Variants in HEMK2 observed in about 807,000 individuals in gnomAD.
HEMK2 encodes HemK methyltransferase 2, ETF1 glutamine and histone H4 lysine.
At chr21:28,588,744 T>G in the HEMK2 span, among the ~76,000 whole-genome samples, 5 of 151,638 alleles carry the variant, frequency 3.3e-5, no homozygotes, top group East Asian at 3.9e-4. Flanking sequence ...GCCGAGGAGG[T>G]CGGATCACGA....
the HEMK2 span, among the ~76,000 whole-genome samples, chr21:28,637,467 AT>A: frequency 6.6e-6 from 1 of 151,518 alleles, no homozygotes; most frequent in African/African-American, 2.4e-5. Flanking sequence ...AAAAAAAAAA[AT>A]GGAAGAATCC....
chr21:28,730,418 A>ACACACACACACACATAATTTAT, the HEMK2 span, among the ~76,000 whole-genome samples: 154 of 142,276 alleles, frequency 1.1e-3, no homozygotes, highest in African/African-American at 4.0e-3. Flanking sequence ...ACACACACAC[A>ACACACACACACACATAATTTAT]TTTCTCACAA....
the HEMK2 span, chr21:28,875,091 G>A: frequency 6.6e-6 from 1 of 152,300 alleles, no homozygotes. Flanking sequence ...TGAAGCCACC[G>A]ATGCAGGCTG....
the HEMK2 span, among the ~76,000 whole-genome samples, chr21:28,809,126 T>C: frequency 8.5e-5 from 13 of 152,096 alleles, no homozygotes; most frequent in African/African-American, 2.4e-4. Flanking sequence ...ATGAGAGGGA[T>C]TGCTGATTAG....
chr21:28,580,857 A>C, the HEMK2 span, among the ~76,000 whole-genome samples: 1 of 152,168 alleles, frequency 6.6e-6, no homozygotes, highest in African/African-American at 2.4e-5. Flanking sequence ...ACTAGAAAGT[A>C]AAGTACTAAA....
At chr21:28,627,409 A>G in the HEMK2 span, among the ~76,000 whole-genome samples, 3 of 152,226 alleles carry the variant, frequency 2.0e-5, no homozygotes, top group Admixed American at 6.5e-5. Context: ...TGCTCTGAGC[A>G]AAATATTGAC....
chr21:28,809,156 C>T, the HEMK2 span, among the ~76,000 whole-genome samples: 2 of 152,190 alleles, frequency 1.3e-5, no homozygotes, highest in South Asian at 4.1e-4. Context: ...CTGAAGAAAA[C>T]TTTTGGAGAT....
At chr21:28,862,048 G>A in the HEMK2 span, among the ~76,000 whole-genome samples, 3 of 152,206 alleles carry the variant, frequency 2.0e-5, no homozygotes, top group Non-Finnish European at 2.9e-5. Context: ...ACACTAAGAA[G>A]GGAGTTACAG....
the HEMK2 span, chr21:28,882,044 G>GT: frequency 1.5e-6 from 1 of 649,104 alleles, no homozygotes; most frequent in Non-Finnish European, 2.5e-6. Flanking sequence ...AATTTACTTT[G>GT]TACATGGTAT....
the HEMK2 span, among the ~76,000 whole-genome samples, chr21:28,742,283 T>C: frequency 6.6e-6 from 1 of 152,230 alleles, no homozygotes; most frequent in African/African-American, 2.4e-5. Context: ...CAGTAATTAT[T>C]GAACAGTTTC....
chr21:28,785,002 G>T, the HEMK2 span, among the ~76,000 whole-genome samples: 1 of 152,112 alleles, frequency 6.6e-6, no homozygotes, highest in Non-Finnish European at 1.5e-5. Context: ...TGAACCCACT[G>T]GGAGAAATGA....
chr21:28,841,090 T>TAAA, the HEMK2 span, among the ~76,000 whole-genome samples: 2 of 44,412 alleles, frequency 4.5e-5, no homozygotes, highest in Non-Finnish European at 6.3e-5. Flanking sequence ...ATATATTATA[T>TAAA]ATATTATATA....
the HEMK2 span, among the ~76,000 whole-genome samples, chr21:28,591,599 A>G: frequency 6.6e-6 from 1 of 152,208 alleles, no homozygotes; most frequent in Admixed American, 6.5e-5. Flanking sequence ...TTGTTTATAC[A>G]GGTAAACTCA....
At chr21:28,598,845 A>C in the HEMK2 span, among the ~76,000 whole-genome samples, 1 of 152,246 alleles carries the variant, frequency 6.6e-6, no homozygotes, top group Non-Finnish European at 1.5e-5. Context: ...AGTTACAGAA[A>C]AAAATGCCAC....
chr21:28,876,527 C>G, the HEMK2 span: 3 of 1,416,732 alleles, frequency 2.1e-6, no homozygotes, highest in Non-Finnish European at 2.9e-6. Context: ...TCCATTAAGC[C>G]ATTTGGTAGT....
chr21:28,619,777 T>C, the HEMK2 span, among the ~76,000 whole-genome samples: 20 of 152,188 alleles, frequency 1.3e-4, no homozygotes, highest in Non-Finnish European at 2.6e-4. Context: ...AGTGATATGG[T>C]TTCAATTTGG....
At chr21:28,761,811 G>GA in the HEMK2 span, among the ~76,000 whole-genome samples, 2 of 151,978 alleles carry the variant, frequency 1.3e-5, no homozygotes, top group African/African-American at 4.8e-5. Flanking sequence ...TCAAGAAGAT[G>GA]AAAAGCAGCA....
At chr21:28,645,701 G>A in the HEMK2 span, among the ~76,000 whole-genome samples, 1 of 152,166 alleles carries the variant, frequency 6.6e-6, no homozygotes, top group Non-Finnish European at 1.5e-5. Flanking sequence ...AGGTCATGAG[G>A]TCAGAACCCT....
At chr21:28,719,196 G>A in the HEMK2 span, among the ~76,000 whole-genome samples, 2 of 152,124 alleles carry the variant, frequency 1.3e-5, no homozygotes, top group South Asian at 4.1e-4. Flanking sequence ...GGGTTTATCT[G>A]CTTTTGCCTT....
Sources: allele counts gnomAD v4.1 joint callset (sites outside exome capture counted in the v4.1 genomes callset), GRCh38; gene constraint gnomAD v4.1.1; transcripts MANE v1.5; gene names NCBI Gene and HGNC (gene_info 2026-07-23, HGNC 2026-07-21).